The following SMOC1 variants were observed in gnomAD, a reference collection of about 807,000 sequenced individuals.
SMOC1 encodes SPARC-related modular calcium-binding protein 1.
A neutral mutation model predicts 56.3 loss-of-function variants in SMOC1; 22 were observed. The ratio of observed to expected loss-of-function variants is 0.39; its 90% CI spans 0.28 to 0.56. SMOC1 has a LOEUF of 0.56. Ranked by LOEUF, SMOC1 falls within the 20% of genes least tolerant of loss-of-function variation. The pLI is 0.61. For missense variants in SMOC1, 509 were observed against 565.4 expected, an observed-to-expected ratio of 0.90 and a Z score of 1.01; for synonymous variants, 193 against 215.0, an observed-to-expected ratio of 0.90 and a Z score of 0.89.
At chr14:69,918,886 A>G (rs1338692165) in intron 1 of SMOC1, among the ~76,000 whole-genome samples, 3 of 152,190 alleles carry the variant, frequency 2.0e-5, no homozygotes, top group East Asian at 1.9e-4. Context: ...AGTCCTCACA[A>G]GATCACATAC....
intron 7 of SMOC1, among the ~76,000 whole-genome samples, chr14:69,997,540 C>T (rs1884810887): frequency 6.6e-6 from 1 of 152,096 alleles, no homozygotes; most frequent in East Asian, 1.9e-4. Context: ...ATATGTAAAA[C>T]AAAGTTTTAG....
chr14:70,023,596 G>A, intron 11 of SMOC1, 149 bp downstream of exon 11: 1 of 1,216,058 alleles, frequency 8.2e-7, no homozygotes, highest in Non-Finnish European at 1.2e-6. Flanking sequence ...CTAGATGTTT[G>A]AGACAGTGGT....
Position 69,933,374 on chromosome 14 carries a change from T to TC in SMOC1, c.100-18763dup, listed in dbSNP as rs397824731. Among the ~76,000 whole-genome samples the TC allele has an allele frequency of 1.2e-4, 18 of 152,260 alleles. No individual in the cohort carries two copies. The East Asian group carries it at 3.3e-3, about 28-fold the overall frequency. ...TCTGAAAAATGAAAGACTTTTTTTT[T>TC]CACTACGGTTAGTTAACACATGTAC... On this transcript the variant is annotated intron_variant, in intron 1 of 11. Coordinates refer to ENST00000361956, the MANE Select transcript of SMOC1 (RefSeq NM_001034852.3).
chr14:69,935,521 C>T (rs1021128680), intron 1 of SMOC1, among the ~76,000 whole-genome samples: 9 of 152,202 alleles, frequency 5.9e-5, no homozygotes, highest in African/African-American at 1.7e-4. Flanking sequence ...TGTGGCCTCC[C>T]GAGCCCCTCT....
intron 3 of SMOC1, among the ~76,000 whole-genome samples, chr14:69,966,159 G>A (rs931771153): frequency 6.6e-6 from 1 of 152,062 alleles, no homozygotes; most frequent in Non-Finnish European, 1.5e-5. Flanking sequence ...TTCTTATTAT[G>A]TACTTTTTAA....
chr14:69,907,310 T>C (rs547773783), intron 1 of SMOC1, among the ~76,000 whole-genome samples: 1 of 152,372 alleles, frequency 6.6e-6, no homozygotes, highest in Admixed American at 6.5e-5. Flanking sequence ...TAAAACCTAC[T>C]ACATGGAATC....
chr14:69,881,515 AG>A, intron 1 of SMOC1, among the ~76,000 whole-genome samples: 1 of 152,292 alleles, frequency 6.6e-6, no homozygotes, highest in Non-Finnish European at 1.5e-5. Context: ...CACCGTGGTT[AG>A]GTTCCTTCCA....
At chr14:69,979,039 G>A (rs779181649) in intron 5 of SMOC1, among the ~76,000 whole-genome samples, 4 of 152,152 alleles carry the variant, frequency 2.6e-5, no homozygotes, top group Non-Finnish European at 2.9e-5. Flanking sequence ...CTCAGGCTGA[G>A]TTTGGGGCTT....
At chr14:70,006,105 T>A (rs1339455968) in intron 7 of SMOC1, among the ~76,000 whole-genome samples, 1 of 152,144 alleles carries the variant, frequency 6.6e-6, no homozygotes, top group Non-Finnish European at 1.5e-5. Flanking sequence ...CCATTTGGGA[T>A]TTAGGTAACT....
intron 2 of SMOC1, among the ~76,000 whole-genome samples, chr14:69,953,105 A>C (rs773094537): frequency 1.4e-4 from 21 of 152,166 alleles, no homozygotes; most frequent in Non-Finnish European, 2.5e-4. Context: ...TGTTAGGCTT[A>C]CCACTTTTAG....
intron 3 of SMOC1, among the ~76,000 whole-genome samples, chr14:69,961,076 C>T (rs1437319438): frequency 1.3e-5 from 2 of 151,820 alleles, no homozygotes; most frequent in African/African-American, 4.8e-5. Flanking sequence ...TACCTCTCTC[C>T]TCAGTCCTTG....
chr14:69,948,389 T>C (rs1440296090), intron 1 of SMOC1, among the ~76,000 whole-genome samples: 1 of 152,222 alleles, frequency 6.6e-6, no homozygotes, highest in South Asian at 2.1e-4. Context: ...TTTTGGGTGC[T>C]CTTCTGAAGC....
intron 1 of SMOC1, among the ~76,000 whole-genome samples, chr14:69,890,753 A>G (rs1382246026): frequency 1.3e-5 from 2 of 152,250 alleles, no homozygotes; most frequent in African/African-American, 4.8e-5. Context: ...TAACCTCAGC[A>G]GGACATAACT....
At chr14:69,968,171 C>A (rs1594829208) in intron 3 of SMOC1, among the ~76,000 whole-genome samples, 1 of 152,320 alleles carries the variant, frequency 6.6e-6, no homozygotes, top group African/African-American at 2.4e-5. Flanking sequence ...TTGAGTATTT[C>A]ATGATAAATG....
intron 5 of SMOC1, among the ~76,000 whole-genome samples, chr14:69,980,027 C>G (rs541738874): frequency 6.6e-6 from 1 of 152,186 alleles, no homozygotes; most frequent in Non-Finnish European, 1.5e-5. Flanking sequence ...CAGACAGACC[C>G]ATGGTCATCC....
At chr14:69,937,091 C>A (rs982264985) in intron 1 of SMOC1, among the ~76,000 whole-genome samples, 1 of 152,146 alleles carries the variant, frequency 6.6e-6, no homozygotes, top group African/African-American at 2.4e-5. Context: ...TGTTATCCTT[C>A]GCATCAGAAA....
intron 3 of SMOC1, among the ~76,000 whole-genome samples, chr14:69,954,306 A>G (rs972710786): frequency 7.2e-5 from 11 of 152,106 alleles, no homozygotes; most frequent in Admixed American, 1.3e-4. Flanking sequence ...CACCTCCTGA[A>G]TAGCTGGGAC....
At chr14:69,992,111 C>A (rs1370989059) in intron 5 of SMOC1, among the ~76,000 whole-genome samples, 1 of 152,124 alleles carries the variant, frequency 6.6e-6, no homozygotes, top group Non-Finnish European at 1.5e-5. Context: ...GAACAAGGGC[C>A]AGCAGAGTCA....
chr14:69,930,165 G>A (rs1451431845), intron 1 of SMOC1, among the ~76,000 whole-genome samples: 1 of 122,494 alleles, frequency 8.2e-6, no homozygotes, highest in Non-Finnish European at 1.5e-5. Flanking sequence ...CCCAGTGACT[G>A]TACCCCTGAC....
Sources: gnomAD v4.1 joint callset for allele counts (sites outside exome capture counted in the v4.1 genomes callset) on GRCh38, gnomAD v4.1.1 for gene constraint, MANE v1.5 for transcripts, NCBI Gene and HGNC (gene_info 2026-07-23, HGNC 2026-07-21) for gene names.